The following PKD1L1 variants were observed in gnomAD, a reference collection of about 807,000 sequenced individuals.
The protein encoded by PKD1L1 is polycystin-1-like protein 1.
In PKD1L1, 236 loss-of-function variants were observed where a neutral mutation model predicts 323.4. That is an observed-to-expected ratio of 0.73 (90% confidence interval 0.66 to 0.81). PKD1L1 has a LOEUF of 0.81. Among genes scored for constraint, PKD1L1 ranks in the 40% least tolerant of loss-of-function variants. PKD1L1 has a pLI of 0.00. For missense variants in PKD1L1, 3,320 were observed against 3,508.0 expected (o/e 0.95, Z 1.35); for synonymous variants, 1,344 against 1,335.0 (o/e 1.01, Z -0.15).
the PKD1L1 span, among the ~76,000 whole-genome samples, chr7:47,959,590 T>G: frequency 1.9e-5 from 2 of 107,820 alleles, no homozygotes; most frequent in South Asian, 6.2e-4. Flanking sequence ...GCCTGGCAAC[T>G]GCCCCATATG....
At chr7:47,941,558 G>T (rs1395070908) in intron 2 of PKD1L1, among the ~76,000 whole-genome samples, 7 of 152,206 alleles carry the variant, frequency 4.6e-5, no homozygotes, top group Admixed American at 4.6e-4. Context: ...GATAACAAAA[G>T]CTGAGGAAAA....
In PKD1L1 at chr7:47,866,403, C is replaced by T. The variant is rs1786169167; in HGVS notation, c.4092+16G>A. 2 of 1,607,316 alleles carry T rather than the reference C, an allele frequency of 1.2e-6. No individual in the cohort carries two copies. The highest frequency in any genetic ancestry group is 1.7e-6 in the Non-Finnish European group (2 of 1,177,760). ...AAGGTTTACAGACACTAAACTCACC[C>T]TCCTCTGAGCCATACCTGATCTACA... On this transcript the variant is annotated intron_variant, in intron 25 of 56. Coordinates refer to ENST00000289672, the MANE Select transcript of PKD1L1 (RefSeq NM_138295.5).
chr7:47,832,957 C>A (rs1238205980), intron 41 of PKD1L1, 133 bp downstream of exon 41: 3 of 1,246,816 alleles, frequency 2.4e-6, no homozygotes, highest in African/African-American at 3.0e-5. Context: ...TGGGCCCATG[C>A]CTGGTTTTTA....
intron 24 of PKD1L1, among the ~76,000 whole-genome samples, chr7:47,872,522 T>C (rs1786304039): frequency 6.6e-6 from 1 of 152,160 alleles, no homozygotes; most frequent in Non-Finnish European, 1.5e-5. Context: ...ACAGATAACC[T>C]ACATAAAAAT....
At chr7:47,808,014 G>C (rs1784816712) in intron 52 of PKD1L1, among the ~76,000 whole-genome samples, 1 of 152,158 alleles carries the variant, frequency 6.6e-6, no homozygotes, top group African/African-American at 2.4e-5. Flanking sequence ...GGAATTCCAG[G>C]CTCTTGAGTT....
At chr7:47,827,278 C>T (rs753558778) in intron 45 of PKD1L1, 72 bp downstream of exon 45, 35 of 1,287,134 alleles carry the variant, frequency 2.7e-5, no homozygotes, top group South Asian at 7.4e-5. Context: ...GGAGGACCAG[C>T]GGCAGTGGGG....
intron 56 of PKD1L1, among the ~76,000 whole-genome samples, chr7:47,789,787 T>C (rs1349033710): frequency 1.3e-5 from 2 of 152,338 alleles, no homozygotes; most frequent in East Asian, 3.8e-4. Context: ...CATACAATTA[T>C]CTTTCTTCTA....
At chr7:47,936,789 T>C (rs1478933186) in intron 4 of PKD1L1, 57 bp downstream of exon 4, 9 of 1,331,506 alleles carry the variant, frequency 6.8e-6, no homozygotes, top group Non-Finnish European at 8.5e-6. Flanking sequence ...TCTTTGTAAG[T>C]TCCATGTCAT....
At chr7:47,775,931 T>C (rs1290523417) in intron 56 of PKD1L1, among the ~76,000 whole-genome samples, 2 of 151,774 alleles carry the variant, frequency 1.3e-5, no homozygotes, top group Non-Finnish European at 2.9e-5. Flanking sequence ...GACACAAATA[T>C]GTTGTCTTTG....
intron 46 of PKD1L1, among the ~76,000 whole-genome samples, chr7:47,816,430 C>T (rs538774990): frequency 6.6e-6 from 1 of 152,292 alleles, no homozygotes; most frequent in African/African-American, 2.4e-5. Flanking sequence ...AGCAGGGTGT[C>T]CATTTGGCTC....
intron 19 of PKD1L1, among the ~76,000 whole-genome samples, chr7:47,884,216 G>A (rs1231613443): frequency 6.6e-6 from 1 of 152,166 alleles, no homozygotes; most frequent in Non-Finnish European, 1.5e-5. Context: ...TACAAGACAA[G>A]CCTGAGGAAG....
intron 53 of PKD1L1, among the ~76,000 whole-genome samples, chr7:47,801,185 C>T (rs1403087893): frequency 1.3e-5 from 2 of 152,056 alleles, no homozygotes; most frequent in South Asian, 2.1e-4. Flanking sequence ...TGGTGACAAG[C>T]GGCCTGCTCC....
intron 50 of PKD1L1, 40 bp downstream of exon 50, chr7:47,811,777 C>T: frequency 1.3e-6 from 2 of 1,514,402 alleles, no homozygotes; most frequent in Non-Finnish European, 9.0e-7. Context: ...CCCCATCTTC[C>T]TGTGCACCTC....
chr7:47,919,481 C>T (rs1163740556), intron 7 of PKD1L1, among the ~76,000 whole-genome samples: 1 of 152,036 alleles, frequency 6.6e-6, no homozygotes, highest in Non-Finnish European at 1.5e-5. Flanking sequence ...GACACTATTC[C>T]ACAAGACAGA....
Position 47,886,040 on chromosome 7 carries a change from C to T in PKD1L1, c.2851G>A (p.Val951Ile), listed in dbSNP as rs545861163. ...CCCAGCGAGCCAAGCAGCCCCACTA[C>T]TCTGCAGAAGGGAACTTAAGCAAAC... ...KNRIEVPFCR[V>I]VGLLGSLGLG... Residue 951 changes from valine (V) to isoleucine (I), a missense_variant, in exon 18 of 57, where the codon GTA becomes ATA. Transcript: ENST00000289672. 2.7e-5 allele frequency: 44 copies of T among 1,612,428 alleles called. No individual in the cohort carries two copies. The highest frequency in any genetic ancestry group is 6.6e-5 in the South Asian group (6 of 90,880).
intron 46 of PKD1L1, 132 bp from the exon 47 acceptor site, chr7:47,815,589 A>C: frequency 9.8e-7 from 1 of 1,024,156 alleles, no homozygotes. Flanking sequence ...ATTAAACTCA[A>C]GCTGCTTGCA....
rs912794251 is a variant in PKD1L1, at chr7:47,839,511, C to T, written c.5704G>A (p.Gly1902Ser). 10 of 1,612,214 alleles carry T rather than the reference C, an allele frequency of 6.2e-6. No homozygotes were observed. The highest frequency in any genetic ancestry group is 3.3e-4 in the Middle Eastern group (2 of 6,082). Reference sequence around the variant, plus strand: ...CGCTCCACGCGACCATCATGCCTGCCGGCAGACAGCCAGCACTGGGCAGGG... The same window carrying T: ...CGCTCCACGCGACCATCATGCCTGCTGGCAGACAGCCAGCACTGGGCAGGG... ...FFPAQCWLSAGRHDGRVEREL... is the reference protein window; with the variant it reads ...FFPAQCWLSASRHDGRVEREL... Residue 1902 changes from glycine to serine, a missense_variant, in exon 36 of 57, where the codon GGC (glycine) becomes AGC (serine). Physicochemically the swap from Gly to Ser is moderately conservative, Grantham distance 56. Transcript: ENST00000289672. The surrounding 1 kb of genome is among the most constrained non-coding windows in gnomAD (Gnocchi z 4.3).
chr7:47,790,726 C>T (rs545364309), intron 56 of PKD1L1, among the ~76,000 whole-genome samples: 10 of 151,658 alleles, frequency 6.6e-5, no homozygotes, highest in East Asian at 1.9e-4. Flanking sequence ...TTAAGTCCAG[C>T]GACTTTATTA....
upstream of PKD1L1, among the ~76,000 whole-genome samples, chr7:47,951,083 C>T (rs972533184): frequency 1.3e-5 from 2 of 152,146 alleles, no homozygotes; most frequent in African/African-American, 4.8e-5. Flanking sequence ...AACTGGAAAA[C>T]GTCGAGTTTT....
Sources: gnomAD v4.1 joint callset for allele counts (sites outside exome capture counted in the v4.1 genomes callset) on GRCh38, gnomAD v4.1.1 for gene constraint, Gnocchi (gnomAD v3.1) non-coding constraint, MANE v1.5 for transcripts, NCBI Gene and HGNC (gene_info 2026-07-23, HGNC 2026-07-21) for gene names.